Variants in LEPR observed in about 807,000 individuals in gnomAD.
The protein encoded by LEPR is leptin receptor, also known as OB receptor.
A neutral mutation model predicts 114.7 loss-of-function variants in LEPR; 56 were observed. The ratio of observed to expected loss-of-function variants is 0.49; its 90% CI spans 0.39 to 0.61. The LOEUF (loss-of-function observed/expected upper bound fraction) is 0.61, where lower values mean the gene tolerates loss of function less well. LEPR is among the 20% of genes least tolerant of loss of function. The pLI is 0.00. For missense variants in LEPR, 1,202 were observed against 1,352.9 expected (o/e 0.89, Z 1.75); for synonymous variants, 443 against 461.4 (o/e 0.96, Z 0.51).
At chr1:65,481,506 A>G (rs1469353330) in intron 2 of LEPR, among the ~76,000 whole-genome samples, 1 of 152,166 alleles carries the variant, frequency 6.6e-6, no homozygotes, top group East Asian at 1.9e-4. Context: ...CACACTTTCC[A>G]AGGAACAGAA....
chr1:65,620,956 A>G (rs1041286635), intron 17 of LEPR, among the ~76,000 whole-genome samples: 9 of 152,124 alleles, frequency 5.9e-5, no homozygotes, highest in Non-Finnish European at 1.2e-4. Context: ...GGTTCAAGAA[A>G]CAGCAAGGAA....
At chr1:65,620,877 C>A (rs1002524207) in intron 17 of LEPR, among the ~76,000 whole-genome samples, 3 of 152,114 alleles carry the variant, frequency 2.0e-5, no homozygotes, top group Non-Finnish European at 4.4e-5. Flanking sequence ...CATAACTGTA[C>A]AAATAGCAAA....
At chr1:65,468,327 G>A (rs1647041019) in intron 2 of LEPR, among the ~76,000 whole-genome samples, 1 of 152,146 alleles carries the variant, frequency 6.6e-6, no homozygotes, top group Non-Finnish European at 1.5e-5. Context: ...GTAAAGTATG[G>A]ATGTTAGTTA....
intron 2 of LEPR, among the ~76,000 whole-genome samples, chr1:65,462,323 C>T (rs576655895): frequency 3.3e-5 from 5 of 152,080 alleles, no homozygotes; most frequent in South Asian, 4.2e-4. Flanking sequence ...GCAAACGACA[C>T]GAACTCATCC....
At chr1:65,572,496 T>C (rs749806062) in intron 5 of LEPR, 47 bp downstream of exon 5, 1 of 1,523,250 alleles carries the variant, frequency 6.6e-7, no homozygotes, top group Admixed American at 1.8e-5. Context: ...ACAGTTTTTT[T>C]AAAAGAGCTT....
chr1:65,581,440 G>T (rs1294437414), intron 5 of LEPR, among the ~76,000 whole-genome samples: 1 of 142,070 alleles, frequency 7.0e-6, no homozygotes, highest in Non-Finnish European at 1.5e-5. Context: ...ATTTTTAATG[G>T]TTGAAAGGCT....
intron 2 of LEPR, among the ~76,000 whole-genome samples, chr1:65,443,322 G>A (rs1260901721): frequency 1.3e-5 from 2 of 152,082 alleles, no homozygotes; most frequent in African/African-American, 2.4e-5. Context: ...GGGAGGCTGA[G>A]GTGGGAGGAT....
chr1:65,634,383 ATTCT>A (rs1658638756), intron 19 of LEPR: 1 of 970,842 alleles, frequency 1.0e-6, no homozygotes, highest in Non-Finnish European at 1.2e-6. Flanking sequence ...ATGAAAGGAC[ATTCT>A]TTAATTACTG....
intron 7 of LEPR, 51 bp downstream of exon 7, chr1:65,596,644 C>A: frequency 6.6e-7 from 1 of 1,519,526 alleles, no homozygotes; most frequent in Non-Finnish European, 9.1e-7. Flanking sequence ...AAATAAAGAC[C>A]CTCTTAAGTC....
At chr1:65,529,857 G>T (rs1039784445) in intron 2 of LEPR, among the ~76,000 whole-genome samples, 3 of 152,090 alleles carry the variant, frequency 2.0e-5, no homozygotes, top group Admixed American at 1.3e-4. Flanking sequence ...TTCACTGGCT[G>T]CTCCTTTCTG....
chr1:65,624,550 T>G (rs578232216), intron 19 of LEPR, among the ~76,000 whole-genome samples: 1 of 152,270 alleles, frequency 6.6e-6, no homozygotes, highest in South Asian at 2.1e-4. Context: ...TAATTGCAGT[T>G]TTGGCATTTT....
At chr1:65,453,692 A>G (rs1433390388) in intron 2 of LEPR, among the ~76,000 whole-genome samples, 1 of 152,068 alleles carries the variant, frequency 6.6e-6, no homozygotes, top group Non-Finnish European at 1.5e-5. Flanking sequence ...GGAGAGCTTT[A>G]CTTCCAAGTA....
At chr1:65,455,451 T>C (rs1274920209) in intron 2 of LEPR, among the ~76,000 whole-genome samples, 1 of 152,316 alleles carries the variant, frequency 6.6e-6, no homozygotes, top group African/African-American at 2.4e-5. Context: ...GATGTACAGA[T>C]GGGTTTTTGG....
intron 6 of LEPR, among the ~76,000 whole-genome samples, chr1:65,596,047 G>C (rs1322831785): frequency 6.6e-6 from 1 of 152,060 alleles, no homozygotes; most frequent in Non-Finnish European, 1.5e-5. Flanking sequence ...TCCAAATAGT[G>C]TTCTGCAAAA....
In LEPR at chr1:65,601,815, T is replaced by C. The variant is rs774046618; in HGVS notation, c.1286-28T>C. On this transcript the variant is annotated intron_variant, in intron 9 of 19. Transcript: ENST00000349533. ...TGAATTTTTTGGAGTTTTTGCTTTA[T>C]ATTAATATTTTAATATGTTTCAAAT... 3.8e-6 allele frequency: 6 copies of C among 1,592,328 alleles called. No homozygotes were observed. In the Admixed American group the frequency reaches 6.8e-5, roughly 18 times the overall value.
intron 10 of LEPR, among the ~76,000 whole-genome samples, chr1:65,602,839 G>A (rs1379038637): frequency 6.6e-6 from 1 of 152,012 alleles, no homozygotes; most frequent in South Asian, 2.1e-4. Context: ...GTGGCAATTC[G>A]TACATTTCTC....
At chr1:65,420,862 C>T in intron 1 of LEPR, 122 bp downstream of exon 1, 2 of 1,261,724 alleles carry the variant, frequency 1.6e-6, no homozygotes, top group South Asian at 1.3e-5. Flanking sequence ...TCCCGCCTCT[C>T]CGGTTCGGGA....
At chr1:65,422,945 G>T (rs750904650) in intron 1 of LEPR, among the ~76,000 whole-genome samples, 2 of 152,154 alleles carry the variant, frequency 1.3e-5, no homozygotes, top group African/African-American at 2.4e-5. Flanking sequence ...CACAGAGGCA[G>T]GAATAAGAGG....
chr1:65,426,952 C>T (rs892843607), intron 2 of LEPR, among the ~76,000 whole-genome samples: 2 of 151,566 alleles, frequency 1.3e-5, no homozygotes, highest in Admixed American at 6.6e-5. Context: ...GAGCCAAGAT[C>T]GTGCCACTGC....
Sources: allele counts gnomAD v4.1 joint callset (sites outside exome capture counted in the v4.1 genomes callset), GRCh38; gene constraint gnomAD v4.1.1; transcripts MANE v1.5; gene names NCBI Gene and HGNC (gene_info 2026-07-23, HGNC 2026-07-21).